IQCM: variants seen among roughly 807,000 people sequenced by gnomAD.
IQCM encodes IQ domain-containing protein M.
IQCM carries 45 observed loss-of-function variants against 57.6 expected under a neutral mutation model. The ratio of observed to expected loss-of-function variants is 0.78; its 90% CI spans 0.62 to 1.00. The LOEUF is 1.00. IQCM is among the 50% of genes least tolerant of loss of function. The probability of loss-of-function intolerance (pLI) is 0.00; values close to 1 mark genes in which losing one functional copy is unlikely to be tolerated. For missense variants in IQCM, 468 were observed against 511.6 expected (o/e 0.91, Z 0.82); for synonymous variants, 148 against 158.9 (o/e 0.93, Z 0.51).
rs1769278400 is a variant in IQCM, at chr4:149,759,270, G to A, written c.-48-16531C>T. 3.3e-5 allele frequency among the ~76,000 whole-genome samples: 5 copies of A among 152,260 alleles called. No homozygotes were observed. In the South Asian group the frequency reaches 1.0e-3, roughly 32 times the overall value. On this transcript the variant is annotated intron_variant, in intron 2 of 13. Transcript: ENST00000636793. ...TGCCAGGGGTAAAGGGAAGGGGAGA[G>A]ATGAATTAATAGAGCACAGCGGATT...
intron 13 of IQCM, among the ~76,000 whole-genome samples, chr4:149,374,245 T>G (rs1730559088): frequency 6.6e-6 from 1 of 152,152 alleles, no homozygotes; most frequent in African/African-American, 2.4e-5. Context: ...TCCAACAAAT[T>G]TAAGTACTTA....
intron 8 of IQCM, among the ~76,000 whole-genome samples, chr4:149,602,464 G>A (rs1338906461): frequency 2.0e-5 from 3 of 152,064 alleles, no homozygotes; most frequent in African/African-American, 7.2e-5. Flanking sequence ...TGAATCAAGT[G>A]ACCAAAAACT....
chr4:149,444,332 A>G (rs1431251332), intron 12 of IQCM, among the ~76,000 whole-genome samples: 1 of 151,922 alleles, frequency 6.6e-6, no homozygotes, highest in Non-Finnish European at 1.5e-5. Context: ...ACATTTATCA[A>G]TCAGATTATC....
chr4:149,747,267 A>G (rs1454206467), intron 2 of IQCM, among the ~76,000 whole-genome samples: 2 of 152,204 alleles, frequency 1.3e-5, no homozygotes, highest in East Asian at 3.9e-4. Context: ...AAATGTGCAA[A>G]GGTATACAGT....
At chr4:149,536,149 T>A (rs567295846) in intron 12 of IQCM, among the ~76,000 whole-genome samples, 7 of 152,170 alleles carry the variant, frequency 4.6e-5, no homozygotes, top group Admixed American at 2.6e-4. Context: ...TTAAAAAGCT[T>A]CTACTGACAA....
At chr4:149,562,043 G>C (rs1750173942) in intron 10 of IQCM, among the ~76,000 whole-genome samples, 4 of 152,208 alleles carry the variant, frequency 2.6e-5, no homozygotes, top group Admixed American at 6.5e-5. Flanking sequence ...CTAAAACACA[G>C]AGAATGTGTC....
chr4:149,360,073 A>C (rs1198030357), intron 13 of IQCM, among the ~76,000 whole-genome samples: 5 of 152,136 alleles, frequency 3.3e-5, no homozygotes, highest in East Asian at 1.9e-4. Flanking sequence ...ATAAAGTGAA[A>C]GCACTACCTA....
intron 5 of IQCM, among the ~76,000 whole-genome samples, chr4:149,704,346 C>A (rs1018379220): frequency 6.6e-6 from 1 of 151,812 alleles, no homozygotes. Flanking sequence ...TGGCAAACCA[C>A]GGTCTGGGCC....
At chr4:149,685,862 A>G (rs1314775110) in intron 6 of IQCM, among the ~76,000 whole-genome samples, 2 of 151,490 alleles carry the variant, frequency 1.3e-5, no homozygotes, top group African/African-American at 2.4e-5. Flanking sequence ...ATTTCATGCA[A>G]TAATTCAGAA....
chr4:149,497,295 C>G (rs1244609620), intron 12 of IQCM, among the ~76,000 whole-genome samples: 1 of 152,046 alleles, frequency 6.6e-6, no homozygotes, highest in East Asian at 1.9e-4. Flanking sequence ...TTTCAGGCAC[C>G]AGCATCCTCA....
rs557807405 is a variant in IQCM at position 149,372,108 on chromosome 4, T to G, written c.1391-20042A>C. 5.3e-5 allele frequency among the ~76,000 whole-genome samples: 8 copies of G among 152,290 alleles called. No homozygotes were observed. The East Asian group carries it at 1.5e-3, about 29-fold the overall frequency. On this transcript the variant is annotated intron_variant, in intron 13 of 13. Transcript: ENST00000636793. ...AACAATTTAAGTAACCTGCTCAAGATTAAGGAGCTACTAAATGCCAAAGCT... is the reference window on the plus strand; with the variant it reads ...AACAATTTAAGTAACCTGCTCAAGAGTAAGGAGCTACTAAATGCCAAAGCT...
chr4:149,564,829 T>C (rs1006660243), intron 9 of IQCM, among the ~76,000 whole-genome samples: 3 of 144,168 alleles, frequency 2.1e-5, no homozygotes, highest in Non-Finnish European at 1.5e-5. Flanking sequence ...ATATATATAT[T>C]CCATTAGTTC....
At chr4:149,735,857 A>G (rs1487704579) in intron 3 of IQCM, among the ~76,000 whole-genome samples, 2 of 152,180 alleles carry the variant, frequency 1.3e-5, no homozygotes, top group African/African-American at 4.8e-5. Flanking sequence ...TGTAAAATAA[A>G]ATACCTCAAT....
At chr4:149,388,449 T>C (rs1178141261) in intron 13 of IQCM, among the ~76,000 whole-genome samples, 1 of 148,170 alleles carries the variant, frequency 6.7e-6, no homozygotes, top group Admixed American at 6.9e-5. Flanking sequence ...AGACTAAAGA[T>C]ACTGAGTGTC....
intron 13 of IQCM, among the ~76,000 whole-genome samples, chr4:149,362,647 G>GT (rs1411863219): frequency 2.6e-5 from 4 of 152,112 alleles, no homozygotes; most frequent in Non-Finnish European, 4.4e-5. Context: ...ATGTGGAACT[G>GT]TAAGTCCAAT....
intron 9 of IQCM, among the ~76,000 whole-genome samples, chr4:149,580,432 G>A (rs995216241): frequency 6.6e-6 from 1 of 151,814 alleles, no homozygotes; most frequent in Non-Finnish European, 1.5e-5. Context: ...GGTGCCAAGA[G>A]CCAGAATGTA....
At chr4:149,556,810 G>A (rs1749630625) in intron 10 of IQCM, among the ~76,000 whole-genome samples, 2 of 152,084 alleles carry the variant, frequency 1.3e-5, no homozygotes. Flanking sequence ...CATAGCTACT[G>A]GACATGTGTC....
At chr4:149,648,814 A>G (rs6832836) in intron 7 of IQCM, among the ~76,000 whole-genome samples, 66,429 of 151,856 alleles carry the variant, frequency 0.44, 14,896 homozygotes, top group South Asian at 0.58. Context: ...GAGTTAATGG[A>G]TGCAGCACAC....
chr4:149,763,565 C>T (rs114642367), intron 2 of IQCM, among the ~76,000 whole-genome samples: 5 of 152,194 alleles, frequency 3.3e-5, no homozygotes, highest in East Asian at 3.9e-4. Context: ...ACTGTTACTA[C>T]GCTAAACCCT....
Sources: gnomAD v4.1 joint callset for allele counts (sites outside exome capture counted in the v4.1 genomes callset) on GRCh38, gnomAD v4.1.1 for gene constraint, MANE v1.5 for transcripts, NCBI Gene and HGNC (gene_info 2026-07-23, HGNC 2026-07-21) for gene names.